PRKCA: variants seen among roughly 807,000 people sequenced by gnomAD.
PRKCA encodes the protein protein kinase C alpha, also known as protein kinase C alpha type.
PRKCA carries 27 observed loss-of-function variants against 87.0 expected under a neutral mutation model. That is an observed-to-expected ratio of 0.31 (90% CI 0.23 to 0.43). The LOEUF (loss-of-function observed/expected upper bound fraction) is 0.43, where lower values mean the gene tolerates loss of function less well. Among genes scored for constraint, PRKCA ranks in the 20% least tolerant of loss-of-function variants. The pLI is 1.00. For synonymous variants in PRKCA, 329 were observed against 311.1 expected (o/e 1.06, Z -0.61); for missense variants, 518 against 852.3 (o/e 0.61, Z 4.88).
At chr17:66,486,957 A>G (rs1916014495) in intron 2 of PRKCA, among the ~76,000 whole-genome samples, 3 of 152,222 alleles carry the variant, frequency 2.0e-5, no homozygotes, top group South Asian at 4.1e-4. Flanking sequence ...TACAACTATT[A>G]TGTATCTACA....
chr17:66,734,448 C>T (rs1973975663), intron 9 of PRKCA, among the ~76,000 whole-genome samples: 2 of 152,120 alleles, frequency 1.3e-5, no homozygotes, highest in Admixed American at 6.6e-5. Context: ...CTGGGCATTG[C>T]CATGGCATTT....
At chr17:66,778,059 A>G in intron 14 of PRKCA, 1 of 985,420 alleles carries the variant, frequency 1.0e-6, no homozygotes, top group East Asian at 1.1e-4. Context: ...GGCCTTATTT[A>G]AAGGTTTCCC....
intron 3 of PRKCA, among the ~76,000 whole-genome samples, chr17:66,604,855 G>A (rs1970162515): frequency 6.6e-6 from 1 of 152,122 alleles, no homozygotes; most frequent in Non-Finnish European, 1.5e-5. Flanking sequence ...TAACCACCAA[G>A]AGACTGGACT....
At chr17:66,473,848 C>T (rs942809524) in intron 2 of PRKCA, among the ~76,000 whole-genome samples, 3 of 152,024 alleles carry the variant, frequency 2.0e-5, no homozygotes, top group Admixed American at 1.3e-4. Context: ...GCAGGAGAAT[C>T]GCTTGAACCA....
intron 2 of PRKCA, among the ~76,000 whole-genome samples, chr17:66,379,562 G>A (rs952257883): frequency 2.0e-5 from 3 of 152,168 alleles, no homozygotes; most frequent in Admixed American, 6.5e-5. Context: ...TTTTAGTGAT[G>A]CCCTTTGAAG....
intron 3 of PRKCA, among the ~76,000 whole-genome samples, chr17:66,561,197 T>A (rs1170473644): frequency 2.0e-5 from 3 of 152,212 alleles, no homozygotes; most frequent in Non-Finnish European, 4.4e-5. Context: ...ACCGAAATGA[T>A]CGCTTTCACA....
Position 66,302,757 on chromosome 17 carries a change from G to C in PRKCA, c.-95G>C, listed in dbSNP as rs1904570737. On this transcript the variant is annotated 5_prime_UTR_variant, in exon 1 of 17. Transcript: ENST00000413366. ...CGGCCCGCGCCCCGCGCCCGGGGTC[G>C]CCCCGAGCCCGCACCTCTCCCCCGC... 2 of 1,027,892 alleles carry C rather than the reference G, an allele frequency of 1.9e-6. No homozygotes were observed. Among genetic ancestry groups the C allele is most frequent in the African/African-American group, 1.7e-5 (1 of 57,498 alleles). 63.7% of individuals were successfully genotyped at this position (1,027,892 alleles called of 1,614,324 possible).
At chr17:66,708,897 T>C (rs568958403) in intron 8 of PRKCA, among the ~76,000 whole-genome samples, 7 of 152,348 alleles carry the variant, frequency 4.6e-5, no homozygotes, top group Non-Finnish European at 8.8e-5. Flanking sequence ...ATAGAGTTTT[T>C]GGGGTTGGAA....
At chr17:66,464,864 A>T (rs922012641) in intron 2 of PRKCA, among the ~76,000 whole-genome samples, 11 of 152,204 alleles carry the variant, frequency 7.2e-5, no homozygotes, top group African/African-American at 2.7e-4. Flanking sequence ...TTTTAATTAT[A>T]ATGAAATCCA....
At chr17:66,747,648 A>G (rs996330433) in intron 13 of PRKCA, among the ~76,000 whole-genome samples, 2 of 152,184 alleles carry the variant, frequency 1.3e-5, no homozygotes, top group Non-Finnish European at 2.9e-5. Context: ...CATTGTCTCC[A>G]TAGATATGGG....
At chr17:66,352,558 G>GTTTTTTTTTTT (rs56317931) in intron 2 of PRKCA, among the ~76,000 whole-genome samples, 14 of 83,760 alleles carry the variant, frequency 1.7e-4, no homozygotes, top group East Asian at 4.4e-4. Flanking sequence ...GTTTTTTGAG[G>GTTTTTTTTTTT]TTTTTTTTTT....
At chr17:66,614,774 T>C (rs1356221207) in intron 3 of PRKCA, among the ~76,000 whole-genome samples, 3 of 152,334 alleles carry the variant, frequency 2.0e-5, no homozygotes, top group Admixed American at 6.5e-5. Context: ...CAAATTCTTA[T>C]TCTTTTTGTG....
intron 3 of PRKCA, among the ~76,000 whole-genome samples, chr17:66,623,127 CCTT>C (rs1208442964): frequency 6.6e-6 from 1 of 152,232 alleles, no homozygotes; most frequent in Admixed American, 6.5e-5. Context: ...TTGAATTGCT[CCTT>C]CTTTGTACCA....
intron 12 of PRKCA, among the ~76,000 whole-genome samples, chr17:66,742,331 C>T (rs984472283): frequency 1.1e-4 from 16 of 152,148 alleles, no homozygotes; most frequent in South Asian, 2.1e-4. Flanking sequence ...CTTTCCCAGA[C>T]GTGCTCAATT....
chr17:66,563,024 T>C (rs946462548), intron 3 of PRKCA, among the ~76,000 whole-genome samples: 2 of 152,208 alleles, frequency 1.3e-5, no homozygotes, highest in African/African-American at 2.4e-5. Flanking sequence ...TAGCTTTTTT[T>C]TTAAAAAGAT....
chr17:66,479,218 T>G (rs1008264001), intron 2 of PRKCA, among the ~76,000 whole-genome samples: 2 of 152,140 alleles, frequency 1.3e-5, no homozygotes. Flanking sequence ...GAAAAGACAC[T>G]TTTCAAAAGA....
In PRKCA at chr17:66,688,939, C is replaced by T. The variant is rs753837901; in HGVS notation, c.822-12C>T. The T allele has an allele frequency of 4.5e-6, 7 of 1,544,928 alleles. No individual in the cohort carries two copies. Among genetic ancestry groups the T allele is most frequent in the Admixed American group, 1.7e-5 (1 of 58,674 alleles). ...CTTGCGGTGGTAACTCTTCTTCTCC[C>T]GTCCTTGAAAGGTACAAGTTGCTTA... On this transcript the variant is annotated splice_polypyrimidine_tract_variant and intron_variant, in intron 7 of 16. Transcript: ENST00000413366.
chr17:66,624,889 A>C (rs1303398438), intron 3 of PRKCA, among the ~76,000 whole-genome samples: 1 of 152,184 alleles, frequency 6.6e-6, no homozygotes, highest in Non-Finnish European at 1.5e-5. Flanking sequence ...AAAGAAATTT[A>C]AAGAATTCAT....
rs867996961 is a variant in PRKCA, at chr17:66,562,242, C to A, written c.288+65959C>A. Reference sequence around the variant, plus strand: ...TATATATAATTATATATATATATATCTCACCACAATAAAAAAAAAAGTAAA... The same window carrying A: ...TATATATAATTATATATATATATATATCACCACAATAAAAAAAAAAGTAAA... On this transcript the variant is annotated intron_variant, in intron 3 of 16. Coordinates refer to ENST00000413366, the MANE Select transcript of PRKCA (RefSeq NM_002737.3). 1.3e-4 allele frequency among the ~76,000 whole-genome samples: 12 copies of A among 94,910 alleles called. 1 individual carries two copies. The highest frequency in any genetic ancestry group is 5.1e-4 in the African/African-American group (9 of 17,678). 62.3% of individuals were successfully genotyped at this position (94,910 alleles called of 152,430 possible).
Sources: gnomAD v4.1 joint callset for allele counts (sites outside exome capture counted in the v4.1 genomes callset) on GRCh38, gnomAD v4.1.1 for gene constraint, MANE v1.5 for transcripts, NCBI Gene and HGNC (gene_info 2026-07-23, HGNC 2026-07-21) for gene names.